The following CDK14 variants were observed in gnomAD, a reference collection of about 807,000 sequenced individuals.
CDK14 encodes cyclin dependent kinase 14.
In CDK14, 34 loss-of-function variants were observed where a neutral mutation model predicts 60.7. The ratio of observed to expected loss-of-function variants is 0.56; its 90% CI spans 0.43 to 0.75. CDK14 has a LOEUF of 0.75. CDK14 is among the 30% of genes least tolerant of loss of function. The probability of loss-of-function intolerance (pLI) is 0.00; values close to 1 mark genes in which losing one functional copy is unlikely to be tolerated. For synonymous variants in CDK14, 197 were observed against 203.7 expected (o/e 0.97, Z 0.28); for missense variants, 482 against 564.1 (o/e 0.85, Z 1.47).
intron 4 of CDK14, among the ~76,000 whole-genome samples, chr7:90,768,184 G>A (rs1257141864): frequency 6.6e-6 from 1 of 152,158 alleles, no homozygotes; most frequent in Admixed American, 6.5e-5. Context: ...TGTATTTAAG[G>A]TTATTTCATC....
intron 12 of CDK14, among the ~76,000 whole-genome samples, chr7:91,089,811 C>T (rs1295235222): frequency 6.6e-6 from 1 of 152,092 alleles, no homozygotes; most frequent in African/African-American, 2.4e-5. Context: ...CATGCCTTTG[C>T]CACCAAATGG....
At chr7:90,807,989 T>A (rs1165766375) in intron 5 of CDK14, among the ~76,000 whole-genome samples, 1 of 152,186 alleles carries the variant, frequency 6.6e-6, no homozygotes, top group African/African-American at 2.4e-5. Context: ...CTACGTCTGA[T>A]TGGTGTACCT....
chr7:90,638,865 C>G (rs1213916091), intron 2 of CDK14, among the ~76,000 whole-genome samples: 3 of 151,400 alleles, frequency 2.0e-5, no homozygotes, highest in Non-Finnish European at 4.4e-5. Context: ...TCCCTTCTCG[C>G]TTCATTTCAT....
chr7:90,916,949 C>T (rs1045138004), intron 7 of CDK14, among the ~76,000 whole-genome samples: 2 of 152,130 alleles, frequency 1.3e-5, no homozygotes, highest in Admixed American at 1.3e-4. Context: ...TTTCCTTTCC[C>T]TTTAGGATGG....
chr7:91,098,536 A>G (rs866652967), intron 12 of CDK14, among the ~76,000 whole-genome samples: 16 of 149,504 alleles, frequency 1.1e-4, no homozygotes, highest in African/African-American at 3.6e-4. Flanking sequence ...AGAAAAAAAA[A>G]AAGAAATAAA....
chr7:90,696,336 C>CT (rs1554435989), intron 2 of CDK14, among the ~76,000 whole-genome samples: 7 of 125,694 alleles, frequency 5.6e-5, no homozygotes, highest in Non-Finnish European at 1.0e-4. Flanking sequence ...ACTTCTTCTT[C>CT]TTTTTTTTTT....
intron 6 of CDK14, among the ~76,000 whole-genome samples, chr7:90,883,855 A>T (rs1301699543): frequency 1.3e-5 from 2 of 152,260 alleles, no homozygotes; most frequent in African/African-American, 4.8e-5. Context: ...TTATCTCAAT[A>T]GATGCAGAAA....
intron 5 of CDK14, among the ~76,000 whole-genome samples, chr7:90,847,211 A>C (rs928527035): frequency 6.6e-6 from 1 of 152,140 alleles, no homozygotes; most frequent in African/African-American, 2.4e-5. Flanking sequence ...GAAGGAGTCA[A>C]ATGTTAAAAG....
chr7:90,661,225 G>T (rs1800859536), intron 2 of CDK14, among the ~76,000 whole-genome samples: 1 of 151,580 alleles, frequency 6.6e-6, no homozygotes, highest in South Asian at 2.1e-4. Flanking sequence ...GAAATTAAAA[G>T]CCAAAACAAA....
chr7:90,838,702 G>A (rs965017767), intron 5 of CDK14, among the ~76,000 whole-genome samples: 3 of 152,098 alleles, frequency 2.0e-5, no homozygotes, highest in African/African-American at 7.2e-5. Context: ...CTCCTGCAGT[G>A]CCCTCAGGCT....
At chr7:90,831,938 A>T (rs1356744208) in intron 5 of CDK14, among the ~76,000 whole-genome samples, 1 of 151,870 alleles carries the variant, frequency 6.6e-6, no homozygotes, top group African/African-American at 2.4e-5. Context: ...GAACCTTTGG[A>T]CTTACTGTGC....
intron 9 of CDK14, among the ~76,000 whole-genome samples, chr7:90,979,981 A>T (rs1489672629): frequency 6.6e-6 from 1 of 152,120 alleles, no homozygotes; most frequent in East Asian, 1.9e-4. Context: ...ATAATTTTAT[A>T]ATCTTTTTAA....
chr7:91,118,468 T>A (rs1562912043), intron 14 of CDK14, among the ~76,000 whole-genome samples: 1 of 152,262 alleles, frequency 6.6e-6, no homozygotes, highest in Non-Finnish European at 1.5e-5. Context: ...AAGCAAGTCA[T>A]CTTAACTACT....
intron 8 of CDK14, among the ~76,000 whole-genome samples, chr7:90,922,081 G>T (rs1793269381): frequency 6.6e-6 from 1 of 152,078 alleles, no homozygotes; most frequent in Non-Finnish European, 1.5e-5. Flanking sequence ...CTGGATAAAA[G>T]CTTGTTAGTC....
intron 4 of CDK14, among the ~76,000 whole-genome samples, chr7:90,760,149 A>AATTGAG (rs1804258474): frequency 6.6e-6 from 1 of 152,210 alleles, no homozygotes; most frequent in Non-Finnish European, 1.5e-5. Context: ...ACACCAAACC[A>AATTGAG]AGACTGAAAT....
intron 2 of CDK14, among the ~76,000 whole-genome samples, chr7:90,636,315 A>T (rs1250484323): frequency 6.6e-6 from 1 of 152,114 alleles, no homozygotes; most frequent in East Asian, 1.9e-4. Flanking sequence ...TCCCATCAAT[A>T]CCTGATTTAT....
chr7:91,170,873 T>C (rs955077143), intron 14 of CDK14, among the ~76,000 whole-genome samples: 7 of 151,548 alleles, frequency 4.6e-5, no homozygotes, highest in African/African-American at 1.7e-4. Flanking sequence ...TTCAAGTGAT[T>C]CTTCTGCCTC....
intron 11 of CDK14, among the ~76,000 whole-genome samples, chr7:91,059,303 T>G (rs540794851): frequency 1.3e-5 from 2 of 152,264 alleles, no homozygotes; most frequent in Admixed American, 1.3e-4. Flanking sequence ...CTTTTCTTCT[T>G]TATTAGTCTT....
chr7:91,160,516 A>G (rs918931342), intron 14 of CDK14, among the ~76,000 whole-genome samples: 2 of 152,194 alleles, frequency 1.3e-5, no homozygotes, highest in South Asian at 4.1e-4. Context: ...ATATAAATTC[A>G]TATACATAGC....
Sources: gnomAD v4.1 joint callset for allele counts (sites outside exome capture counted in the v4.1 genomes callset) on GRCh38, gnomAD v4.1.1 for gene constraint, MANE v1.5 for transcripts, NCBI Gene and HGNC (gene_info 2026-07-23, HGNC 2026-07-21) for gene names.